NLGN1: variants seen among roughly 807,000 people sequenced by gnomAD.
NLGN1 encodes the protein neuroligin-1.
Under a neutral mutation model 65.5 loss-of-function variants are expected in NLGN1, and 12 were observed. The ratio of observed to expected loss-of-function variants is 0.18; its 90% CI spans 0.12 to 0.30. The LOEUF (loss-of-function observed/expected upper bound fraction) is 0.30. Among genes scored for constraint, NLGN1 ranks in the 10% least tolerant of loss-of-function variants. The probability of loss-of-function intolerance (pLI) is 1.00; values close to 1 mark genes in which losing one functional copy is unlikely to be tolerated. For missense variants in NLGN1, 750 were observed against 1,007.1 expected (o/e 0.74, Z 3.46); for synonymous variants, 350 against 359.5 (o/e 0.97, Z 0.30).
intron 2 of NLGN1, among the ~76,000 whole-genome samples, chr3:173,508,855 C>T (rs1002714674): frequency 2.6e-5 from 4 of 152,154 alleles, no homozygotes. Context: ...CTAGTAGGGT[C>T]GAGCCCAGCC....
intron 4 of NLGN1, among the ~76,000 whole-genome samples, chr3:174,247,018 T>C (rs972067455): frequency 5.3e-5 from 8 of 152,180 alleles, no homozygotes; most frequent in African/African-American, 1.7e-4. Context: ...TAAGAACCAA[T>C]AGCATAGAGC....
chr3:173,614,030 A>T (rs1577541717), intron 3 of NLGN1, among the ~76,000 whole-genome samples: 2 of 63,476 alleles, frequency 3.2e-5, no homozygotes, highest in Non-Finnish European at 5.8e-5. Flanking sequence ...TATTCCACTT[A>T]AAAAAAAAAA....
intron 4 of NLGN1, among the ~76,000 whole-genome samples, chr3:174,148,626 A>T (rs140065522): frequency 7.0e-4 from 106 of 152,294 alleles, no homozygotes; most frequent in Non-Finnish European, 1.2e-3. Context: ...TAATAAATAC[A>T]TCATATACAC....
chr3:174,107,261 G>T (rs1162550937), intron 4 of NLGN1, among the ~76,000 whole-genome samples: 1 of 151,996 alleles, frequency 6.6e-6, no homozygotes, highest in East Asian at 1.9e-4. Flanking sequence ...TTGCCCTTTT[G>T]TAGCCACTTT....
At chr3:174,226,351 C>T (rs564859121) in intron 4 of NLGN1, among the ~76,000 whole-genome samples, 11 of 152,266 alleles carry the variant, frequency 7.2e-5, no homozygotes, top group Admixed American at 7.2e-4. Context: ...ATTTCTTATA[C>T]TGTGCCAAAG....
At chr3:173,494,060 T>A (rs1729608979) in intron 2 of NLGN1, among the ~76,000 whole-genome samples, 1 of 151,690 alleles carries the variant, frequency 6.6e-6, no homozygotes, top group African/African-American at 2.4e-5. Flanking sequence ...TTTTATCTTT[T>A]TCATCTGTGC....
At chr3:173,645,515 G>C (rs958706719) in intron 3 of NLGN1, among the ~76,000 whole-genome samples, 2 of 152,218 alleles carry the variant, frequency 1.3e-5, no homozygotes, top group African/African-American at 4.8e-5. Context: ...CTGTGGCAGT[G>C]TCTCCTCTCC....
chr3:173,456,083 A>G (rs1352262837), intron 2 of NLGN1, among the ~76,000 whole-genome samples: 2 of 152,152 alleles, frequency 1.3e-5, no homozygotes, highest in East Asian at 3.8e-4. Context: ...TAAGACATCA[A>G]TTCAAATGCT....
chr3:174,236,746 A>G lies in NLGN1; in HGVS notation c.647-38569A>G, dbSNP rs184124987. Among the ~76,000 whole-genome samples, 162 of 152,216 alleles carry G rather than the reference A, an allele frequency of 1.1e-3. 1 individual carries two copies. The highest frequency in any genetic ancestry group is 3.7e-3 in the African/African-American group (152 of 41,566). On this transcript the variant is annotated intron_variant, in intron 4 of 6. Transcript: ENST00000457714. ...TCACCATTTAAAAGTAGAATTTATA[A>G]CAGTTACATTTATTGTAACTGCACT...
intron 4 of NLGN1, among the ~76,000 whole-genome samples, chr3:173,877,482 GAA>G (rs200372030): frequency 1.4e-5 from 2 of 139,880 alleles, no homozygotes; most frequent in African/African-American, 5.2e-5. Flanking sequence ...CTAAAACAGA[GAA>G]AAAAAAAAAG....
intron 2 of NLGN1, among the ~76,000 whole-genome samples, chr3:173,551,911 G>A (rs1356160162): frequency 3.9e-5 from 6 of 152,186 alleles, no homozygotes; most frequent in Non-Finnish European, 8.8e-5. Flanking sequence ...AGTTGTAGTG[G>A]CTGCTATTTG....
At chr3:173,824,553 C>T (rs558712178) in intron 4 of NLGN1, among the ~76,000 whole-genome samples, 47 of 152,060 alleles carry the variant, frequency 3.1e-4, no homozygotes, top group African/African-American at 8.9e-4. Context: ...CTCAGGGGAC[C>T]GCATGTGCTG....
intron 3 of NLGN1, among the ~76,000 whole-genome samples, chr3:173,634,922 G>A (rs1756341217): frequency 6.6e-6 from 1 of 152,090 alleles, no homozygotes; most frequent in Admixed American, 6.6e-5. Context: ...AAGTAGGCGT[G>A]TAACAGACAA....
intron 3 of NLGN1, among the ~76,000 whole-genome samples, chr3:173,689,977 A>G (rs1765228421): frequency 1.3e-5 from 2 of 152,202 alleles, no homozygotes; most frequent in Non-Finnish European, 2.9e-5. Context: ...TAAACATAAC[A>G]TTAAGGTAAC....
intron 2 of NLGN1, among the ~76,000 whole-genome samples, chr3:173,596,622 G>A (rs9857930): frequency 0.081 from 11,726 of 145,454 alleles, 1,519 homozygotes; most frequent in African/African-American, 0.28. Flanking sequence ...GGTGCTTGTT[G>A]TTAATCCAGT....
chr3:173,904,545 A>G (rs1005096038), intron 4 of NLGN1, among the ~76,000 whole-genome samples: 2 of 151,332 alleles, frequency 1.3e-5, no homozygotes, highest in Admixed American at 1.3e-4. Flanking sequence ...GTGCATAACC[A>G]CAAATATGTG....
chr3:173,549,239 ATACT>A (rs1740439297), intron 2 of NLGN1, among the ~76,000 whole-genome samples: 1 of 152,038 alleles, frequency 6.6e-6, no homozygotes, highest in African/African-American at 2.4e-5. Context: ...CTTTTCACTC[ATACT>A]TACCTGTTTC....
chr3:173,893,480 A>C (rs563614065), intron 4 of NLGN1, among the ~76,000 whole-genome samples: 2 of 152,326 alleles, frequency 1.3e-5, no homozygotes, highest in South Asian at 2.1e-4. Context: ...TAAAGAGTTT[A>C]ATAAAATAGC....
At chr3:173,862,636 C>A (rs1160496936) in intron 4 of NLGN1, among the ~76,000 whole-genome samples, 1 of 150,918 alleles carries the variant, frequency 6.6e-6, no homozygotes, top group Non-Finnish European at 1.5e-5. Flanking sequence ...TAAAAATATC[C>A]AGAAAGGGAA....
Sources: gnomAD v4.1 joint callset for allele counts (sites outside exome capture counted in the v4.1 genomes callset) on GRCh38, gnomAD v4.1.1 for gene constraint, MANE v1.5 for transcripts, NCBI Gene and HGNC (gene_info 2026-07-23, HGNC 2026-07-21) for gene names.